GPC5: variants seen among roughly 807,000 people sequenced by gnomAD.
The protein encoded by GPC5 is glypican 5.
Under a neutral mutation model 53.9 loss-of-function variants are expected in GPC5, and 47 were observed. The ratio of observed to expected loss-of-function variants is 0.87; its 90% CI spans 0.69 to 1.11. The LOEUF is 1.11. Among genes scored for constraint, GPC5 ranks in the 50% most tolerant of loss-of-function variants. The probability of loss-of-function intolerance (pLI) is 0.00; values close to 1 mark genes in which losing one functional copy is unlikely to be tolerated. For missense variants in GPC5, 748 were observed against 713.1 expected, an observed-to-expected ratio of 1.05 and a Z score of -0.56; for synonymous variants, 286 against 263.3, an observed-to-expected ratio of 1.09 and a Z score of -0.84.
At chr13:92,816,538 C>T (rs1222173439) in intron 7 of GPC5, among the ~76,000 whole-genome samples, 2 of 152,042 alleles carry the variant, frequency 1.3e-5, no homozygotes, top group African/African-American at 4.8e-5. Context: ...ATCTGAGACT[C>T]TTTTGCAACT....
At chr13:91,539,431 T>G (rs1279203723) in intron 2 of GPC5, among the ~76,000 whole-genome samples, 1 of 152,206 alleles carries the variant, frequency 6.6e-6, no homozygotes, top group Non-Finnish European at 1.5e-5. Context: ...TGGGTTTCTT[T>G]CCCAGGCAGG....
chr13:92,637,089 T>A (rs571184810), intron 7 of GPC5, among the ~76,000 whole-genome samples: 23 of 152,162 alleles, frequency 1.5e-4, no homozygotes, highest in Non-Finnish European at 3.1e-4. Flanking sequence ...CTGCCTTGGT[T>A]ACGACCCCCA....
chr13:91,853,827 G>C (rs539041224), intron 5 of GPC5, among the ~76,000 whole-genome samples: 2 of 151,932 alleles, frequency 1.3e-5, no homozygotes, highest in East Asian at 1.9e-4. Context: ...CATTTTATTG[G>C]ATACAATCAG....
At chr13:91,867,596 A>G (rs1298834234) in intron 5 of GPC5, among the ~76,000 whole-genome samples, 1 of 152,232 alleles carries the variant, frequency 6.6e-6, no homozygotes, top group Non-Finnish European at 1.5e-5. Context: ...GTTTGTCCCT[A>G]TCACAAAAAG....
chr13:92,314,081 T>G (rs1451660408), intron 7 of GPC5, among the ~76,000 whole-genome samples: 2 of 152,192 alleles, frequency 1.3e-5, no homozygotes, highest in Non-Finnish European at 2.9e-5. Context: ...TTTTGTGAGG[T>G]TTTGTGAGAC....
At chr13:92,214,790 A>G (rs548026819) in intron 7 of GPC5, among the ~76,000 whole-genome samples, 26 of 152,352 alleles carry the variant, frequency 1.7e-4, no homozygotes, top group Admixed American at 7.2e-4. Flanking sequence ...ATTAGTCTGC[A>G]TTGTGCAGGT....
At chr13:91,512,678 G>C (rs913826768) in intron 2 of GPC5, among the ~76,000 whole-genome samples, 2 of 152,154 alleles carry the variant, frequency 1.3e-5, no homozygotes, top group Non-Finnish European at 2.9e-5. Context: ...TCTCATGAGA[G>C]CCTGTAAATG....
At chr13:91,538,067 A>G (rs1196480970) in intron 2 of GPC5, among the ~76,000 whole-genome samples, 1 of 152,246 alleles carries the variant, frequency 6.6e-6, no homozygotes, top group Non-Finnish European at 1.5e-5. Context: ...ATACTGGGGT[A>G]CATGCTACAA....
At chr13:91,553,552 T>G (rs1457283841) in intron 2 of GPC5, among the ~76,000 whole-genome samples, 4 of 152,086 alleles carry the variant, frequency 2.6e-5, no homozygotes, top group African/African-American at 9.7e-5. Context: ...TCCCAGAATT[T>G]CTGGAAGTTT....
At chr13:91,869,030 T>C (rs1463577347) in intron 5 of GPC5, among the ~76,000 whole-genome samples, 2 of 151,896 alleles carry the variant, frequency 1.3e-5, no homozygotes, top group African/African-American at 4.8e-5. Flanking sequence ...GGTGTTGTTT[T>C]TTGTTTTGTT....
chr13:92,083,276 G>A (rs755685396), intron 6 of GPC5, among the ~76,000 whole-genome samples: 5 of 152,172 alleles, frequency 3.3e-5, no homozygotes, highest in Non-Finnish European at 7.4e-5. Flanking sequence ...GTGTCCAGCA[G>A]TGACATTCTC....
At chr13:91,662,223 GAAGGAAGACC>G (rs2035004169) in intron 2 of GPC5, among the ~76,000 whole-genome samples, 1 of 152,162 alleles carries the variant, frequency 6.6e-6, no homozygotes, top group Non-Finnish European at 1.5e-5. Flanking sequence ...AAGGTTGGCA[GAAGGAAGACC>G]AAGAAAGTAG....
Position 91,440,343 on chromosome 13 carries a change from C to T in GPC5, c.164-8418C>T, listed in dbSNP as rs533744824. The stretch of plus-strand genomic sequence containing the variant: ...TCTTCTTCAGATCACATATTTTCTG[C>T]GGATCTATCTTCAAGTATACTGACT... On this transcript the variant is annotated intron_variant, in intron 1 of 7. Transcript: ENST00000377067. 1.2e-4 allele frequency among the ~76,000 whole-genome samples: 19 copies of T among 152,206 alleles called. No homozygotes were observed. In the East Asian group the frequency reaches 2.9e-3, roughly 23 times the overall value.
intron 7 of GPC5, among the ~76,000 whole-genome samples, chr13:92,388,160 T>C (rs1423150477): frequency 6.6e-6 from 1 of 152,094 alleles, no homozygotes; most frequent in Non-Finnish European, 1.5e-5. Context: ...ATTTTTTTAC[T>C]GTAAAATTCT....
rs879297764 is a variant in GPC5 at position 92,693,187 on chromosome 13, A to C, written c.1562-173095A>C. On this transcript the variant is annotated intron_variant, in intron 7 of 7. Coordinates refer to ENST00000377067, the MANE Select transcript of GPC5 (RefSeq NM_004466.6). ...AACCTTTTTCCTTTTAAAATTGCCC[A>C]GTCTCAGGTAGTTCTTTATAGCAAT... Among the ~76,000 whole-genome samples, 37 of 152,260 alleles carry C rather than the reference A, an allele frequency of 2.4e-4. 1 individual carries two copies. The highest frequency in any genetic ancestry group is 3.9e-4 in the Admixed American group (6 of 15,290).
At chr13:91,427,121 G>A (rs1036384103) in intron 1 of GPC5, among the ~76,000 whole-genome samples, 8 of 152,356 alleles carry the variant, frequency 5.3e-5, no homozygotes, top group African/African-American at 1.9e-4. Context: ...ACCTCTGCTA[G>A]GACAGTGCAG....
intron 7 of GPC5, among the ~76,000 whole-genome samples, chr13:92,861,118 T>C (rs1879165783): frequency 6.6e-6 from 1 of 152,140 alleles, no homozygotes; most frequent in South Asian, 2.1e-4. Flanking sequence ...CATTTTTCTG[T>C]ATTAATAAAT....
chr13:91,478,975 C>G (rs1883156894), intron 2 of GPC5, among the ~76,000 whole-genome samples: 1 of 147,402 alleles, frequency 6.8e-6, no homozygotes, highest in African/African-American at 2.5e-5. Context: ...GTGCAGTGCA[C>G]CATCTTGGCT....
chr13:92,441,686 G>T (rs960009632), intron 7 of GPC5, among the ~76,000 whole-genome samples: 1 of 152,122 alleles, frequency 6.6e-6, no homozygotes, highest in African/African-American at 2.4e-5. Flanking sequence ...AGTCAGTGAA[G>T]ACACAAATAA....
Sources: gnomAD v4.1 joint callset for allele counts (sites outside exome capture counted in the v4.1 genomes callset) on GRCh38, gnomAD v4.1.1 for gene constraint, MANE v1.5 for transcripts, NCBI Gene and HGNC (gene_info 2026-07-23, HGNC 2026-07-21) for gene names.